The following VEPH1 variants were observed in gnomAD, a reference collection of about 807,000 sequenced individuals.
VEPH1 encodes the protein ventricular zone-expressed PH domain-containing protein homolog 1.
VEPH1 carries 80 observed loss-of-function variants against 85.2 expected under a neutral mutation model. The observed-to-expected ratio is 0.94, with a 90% CI of 0.78 to 1.13. The LOEUF is 1.13. Ranked by LOEUF, VEPH1 falls within the 50% of genes most tolerant of loss-of-function variation. The pLI, the probability that VEPH1 is intolerant of heterozygous loss-of-function variation, is 0.00. For missense variants in VEPH1, 955 were observed against 980.5 expected (o/e 0.97, Z 0.35); for synonymous variants, 297 against 348.0 (o/e 0.85, Z 1.63).
intron 2 of VEPH1, chr3:157,493,040 C>G (rs1396462012): frequency 3.5e-6 from 1 of 282,208 alleles, no homozygotes; most frequent in Non-Finnish European, 7.0e-6. Flanking sequence ...GTGTTCACCT[C>G]TTCTCTCCCC....
intron 6 of VEPH1, among the ~76,000 whole-genome samples, chr3:157,395,409 C>T (rs1420160555): frequency 6.6e-6 from 1 of 152,204 alleles, no homozygotes; most frequent in Non-Finnish European, 1.5e-5. Context: ...TCAGCGATGG[C>T]AGTAGCCAGA....
chr3:157,467,168 T>G (rs1736463493), intron 3 of VEPH1, among the ~76,000 whole-genome samples: 1 of 147,632 alleles, frequency 6.8e-6, no homozygotes, highest in Admixed American at 6.7e-5. Flanking sequence ...TAGCTTAAAA[T>G]GACAGTGAAG....
chr3:157,403,626 G>A (rs1299863568), intron 6 of VEPH1, among the ~76,000 whole-genome samples: 1 of 152,124 alleles, frequency 6.6e-6, no homozygotes, highest in African/African-American at 2.4e-5. Flanking sequence ...CTTGCATACA[G>A]CAGGTGTGTG....
intron 4 of VEPH1, among the ~76,000 whole-genome samples, chr3:157,436,075 G>C (rs574077384): frequency 5.3e-5 from 8 of 152,090 alleles, no homozygotes; most frequent in African/African-American, 1.7e-4. Flanking sequence ...TCAGGAGTTC[G>C]AGACCAGCCT....
At chr3:157,394,420 A>C (rs930754693) in intron 6 of VEPH1, among the ~76,000 whole-genome samples, 2 of 152,228 alleles carry the variant, frequency 1.3e-5, no homozygotes, top group African/African-American at 2.4e-5. Context: ...TTAACCTTGC[A>C]TGGCTCAGTT....
chr3:157,439,500 G>A (rs1439481274), intron 4 of VEPH1, among the ~76,000 whole-genome samples: 1 of 152,180 alleles, frequency 6.6e-6, no homozygotes, highest in African/African-American at 2.4e-5. Flanking sequence ...TTTCATAAGA[G>A]AGTTTCTGAC....
rs888795333 is a variant in VEPH1, at chr3:157,273,010, G to C, written c.2129-7348C>G. Among the ~76,000 whole-genome samples, 8 of 152,250 alleles carry C rather than the reference G, an allele frequency of 5.3e-5. No homozygotes were observed. The East Asian group carries it at 5.8e-4, about 11-fold the overall frequency. ...GGTGATTCCCTTATTATGGAAGAAG[G>C]GTAGAAAGGAGTTAGAGGGGGAAAA... On this transcript the variant is annotated intron_variant, in intron 12 of 13. Coordinates refer to ENST00000362010, the MANE Select transcript of VEPH1 (RefSeq NM_001167912.2).
rs1553796737 is a variant in VEPH1, at chr3:157,481,465, C to CA, written c.139-10937dup. Among the ~76,000 whole-genome samples, 101 of 63,326 alleles carry CA rather than the reference C, an allele frequency of 1.6e-3. 4 individuals carry two copies. Among genetic ancestry groups the CA allele is most frequent in the African/African-American group, 3.1e-3 (55 of 17,598 alleles). 41.5% of individuals were successfully genotyped at this position (63,326 alleles called of 152,430 possible). ...ACACACACACACACACACACACACA[C>CA]AAAAAAAAAAAAAAAAAAAAACAAT... On this transcript the variant is annotated intron_variant, in intron 2 of 13. Coordinates refer to ENST00000362010, the MANE Select transcript of VEPH1 (RefSeq NM_001167912.2).
At chr3:157,494,086 T>C (rs899795470) in intron 2 of VEPH1, among the ~76,000 whole-genome samples, 3 of 152,106 alleles carry the variant, frequency 2.0e-5, no homozygotes, top group African/African-American at 7.2e-5. Flanking sequence ...ATCAAAGACA[T>C]TACCTGAGAA....
intron 3 of VEPH1, among the ~76,000 whole-genome samples, chr3:157,469,301 A>G (rs538966192): frequency 6.6e-6 from 1 of 152,230 alleles, no homozygotes; most frequent in South Asian, 2.1e-4. Context: ...AATATGATCC[A>G]GTTAATCATA....
At chr3:157,287,894 T>G (rs1257083609) in intron 11 of VEPH1, among the ~76,000 whole-genome samples, 1 of 152,202 alleles carries the variant, frequency 6.6e-6, no homozygotes, top group African/African-American at 2.4e-5. Flanking sequence ...AATAATGCAT[T>G]GAATTATTTA....
At chr3:157,311,943 G>A (rs1197120716) in intron 11 of VEPH1, among the ~76,000 whole-genome samples, 1 of 152,052 alleles carries the variant, frequency 6.6e-6, no homozygotes, top group Non-Finnish European at 1.5e-5. Context: ...CTAAACACAA[G>A]CCAAAAAGTA....
At chr3:157,325,170 T>C (rs1721757258) in intron 9 of VEPH1, among the ~76,000 whole-genome samples, 1 of 152,204 alleles carries the variant, frequency 6.6e-6, no homozygotes, top group Non-Finnish European at 1.5e-5. Context: ...CTTTGCCCAC[T>C]TTTTAATGGA....
chr3:157,344,274 A>G (rs1488473698), intron 9 of VEPH1, among the ~76,000 whole-genome samples: 7 of 152,174 alleles, frequency 4.6e-5, no homozygotes, highest in Non-Finnish European at 7.3e-5. Flanking sequence ...TATATTTAGA[A>G]AACCCCATCA....
At chr3:157,289,781 CTTTAA>C (rs1201259567) in intron 11 of VEPH1, among the ~76,000 whole-genome samples, 1 of 152,176 alleles carries the variant, frequency 6.6e-6, no homozygotes, top group Non-Finnish European at 1.5e-5. Flanking sequence ...TACAAACTTT[CTTTAA>C]GATAACTAGA....
chr3:157,325,380 T>C (rs1721785612), intron 9 of VEPH1, among the ~76,000 whole-genome samples: 1 of 152,234 alleles, frequency 6.6e-6, no homozygotes, highest in Non-Finnish European at 1.5e-5. Context: ...TTTGTTGCAA[T>C]TGCTTTTTGC....
chr3:157,417,542 C>T (rs974963954), intron 5 of VEPH1, among the ~76,000 whole-genome samples: 9 of 152,156 alleles, frequency 5.9e-5, no homozygotes, highest in African/African-American at 1.9e-4. Flanking sequence ...TTCTCATGGC[C>T]CATGGCCAAA....
intron 2 of VEPH1, among the ~76,000 whole-genome samples, chr3:157,494,751 G>C (rs9682174): frequency 2.6e-5 from 4 of 151,988 alleles, no homozygotes; most frequent in African/African-American, 9.7e-5. Context: ...CAAAGCGATC[G>C]TTGTCCTTGT....
chr3:157,389,324 A>G (rs578006991), intron 6 of VEPH1, among the ~76,000 whole-genome samples: 1 of 152,260 alleles, frequency 6.6e-6, no homozygotes, highest in South Asian at 2.1e-4. Context: ...TAAACAGTGA[A>G]ATCACCAAAA....
Sources: gnomAD v4.1 joint callset for allele counts (sites outside exome capture counted in the v4.1 genomes callset) on GRCh38, gnomAD v4.1.1 for gene constraint, MANE v1.5 for transcripts, NCBI Gene and HGNC (gene_info 2026-07-23, HGNC 2026-07-21) for gene names.